TMEM135: variants seen among roughly 807,000 people sequenced by gnomAD.
TMEM135 encodes the protein peroxisomal membrane protein 52.
TMEM135 carries 30 observed loss-of-function variants against 60.3 expected under a neutral mutation model. That is an observed-to-expected ratio of 0.50 (90% CI 0.37 to 0.68). The LOEUF (loss-of-function observed/expected upper bound fraction) is 0.68, where lower values mean the gene tolerates loss of function less well. Ranked by LOEUF, TMEM135 falls within the 30% of genes least tolerant of loss-of-function variation. TMEM135 has a pLI of 0.00. For missense variants in TMEM135, 468 were observed against 548.8 expected (o/e 0.85, Z 1.47); for synonymous variants, 190 against 186.7 (o/e 1.02, Z -0.14).
chr11:87,177,244 T>G (rs1251365974), intron 5 of TMEM135, among the ~76,000 whole-genome samples: 28 of 152,172 alleles, frequency 1.8e-4, no homozygotes, highest in Non-Finnish European at 7.3e-5. Flanking sequence ...TCCTACATCC[T>G]ACTTGTGAGA....
At chr11:87,262,064 T>C (rs1217360847) in intron 6 of TMEM135, among the ~76,000 whole-genome samples, 2 of 152,344 alleles carry the variant, frequency 1.3e-5, no homozygotes, top group South Asian at 2.1e-4. Context: ...CATATCCTCA[T>C]TGTTTTTAGG....
intron 6 of TMEM135, chr11:87,259,125 A>T: frequency 1.3e-6 from 1 of 769,596 alleles, no homozygotes; most frequent in Non-Finnish European, 2.3e-6. Context: ...CATCTCCATC[A>T]GGCCCCATAG....
intron 6 of TMEM135, chr11:87,258,711 T>C (rs574306219): frequency 5.2e-6 from 2 of 386,712 alleles, no homozygotes; most frequent in African/African-American, 4.2e-5. Flanking sequence ...CATGAGACAA[T>C]GTGGGGAGAT....
chr11:87,282,549 A>G (rs2060838702), intron 6 of TMEM135, among the ~76,000 whole-genome samples: 1 of 152,206 alleles, frequency 6.6e-6, no homozygotes, highest in African/African-American at 2.4e-5. Flanking sequence ...TACAGGCGTG[A>G]GCCACCGCAT....
At chr11:87,150,107 C>T (rs1443159156) in intron 4 of TMEM135, among the ~76,000 whole-genome samples, 1 of 150,280 alleles carries the variant, frequency 6.7e-6, no homozygotes, top group East Asian at 2.0e-4. Context: ...ATTTGAGCTA[C>T]TTGGGAGGGT....
chr11:87,235,451 T>G (rs1197580866), intron 5 of TMEM135, among the ~76,000 whole-genome samples: 1 of 152,046 alleles, frequency 6.6e-6, no homozygotes, highest in Non-Finnish European at 1.5e-5. Context: ...TCAGGCTGTA[T>G]GTATAATGCT....
At chr11:87,173,391 A>G (rs1939289561) in intron 5 of TMEM135, among the ~76,000 whole-genome samples, 1 of 152,164 alleles carries the variant, frequency 6.6e-6, no homozygotes, top group Non-Finnish European at 1.5e-5. Context: ...TATGAGGTAG[A>G]TTAGTAGATA....
In TMEM135 at chr11:87,325,793, G is replaced by A. The variant is rs1312724526; in HGVS notation, c.*4460G>A. Reference sequence around the variant, plus strand: ...AAGGAGATGTTTCTCTGTATGTGAAGCCTTTAAATCCAGAACAATTAATTT... The same window carrying A: ...AAGGAGATGTTTCTCTGTATGTGAAACCTTTAAATCCAGAACAATTAATTT... On this transcript the variant is annotated 3_prime_UTR_variant, in exon 15 of 15. Coordinates refer to ENST00000305494, the MANE Select transcript of TMEM135 (RefSeq NM_022918.4). 4.4e-6 allele frequency: 2 copies of A among 453,880 alleles called. No homozygotes were observed. The highest frequency in any genetic ancestry group is 8.8e-6 in the Non-Finnish European group (2 of 226,752). 28.1% of individuals were successfully genotyped at this position (453,880 alleles called of 1,614,324 possible). A position where few individuals can be genotyped will look rare whatever the true frequency, so the allele number is the denominator to read the frequency against.
chr11:87,053,965 T>C (rs1949867539), intron 1 of TMEM135, among the ~76,000 whole-genome samples: 1 of 152,238 alleles, frequency 6.6e-6, no homozygotes, highest in Admixed American at 6.5e-5. Flanking sequence ...ACTAGGAATA[T>C]AGTTAATAAG....
rs1351537014 is a variant in TMEM135, at chr11:87,328,614, G to A, written c.*7281G>A. ...ACAGAATTTGATTTTCTATTCCGGA[G>A]TTACTTTACTTAGAATAATGGCCTC... On this transcript the variant is annotated 3_prime_UTR_variant, in exon 15 of 15. Transcript: ENST00000305494. 2.2e-6 allele frequency: 1 copy of A among 453,848 alleles called. No homozygotes were observed. The highest frequency in any genetic ancestry group is 2.0e-5 in the African/African-American group (1 of 49,968). 28.1% of individuals were successfully genotyped at this position (453,848 alleles called of 1,614,324 possible).
chr11:87,224,676 CATA>C (rs1019216396), intron 5 of TMEM135, among the ~76,000 whole-genome samples: 3 of 151,802 alleles, frequency 2.0e-5, no homozygotes, highest in South Asian at 2.1e-4. Context: ...CTACTGAAAA[CATA>C]ATATTTTTTC....
chr11:87,224,473 A>G (rs1940722553), intron 5 of TMEM135, among the ~76,000 whole-genome samples: 1 of 152,190 alleles, frequency 6.6e-6, no homozygotes, highest in Non-Finnish European at 1.5e-5. Context: ...ACCTTTCTAA[A>G]GTAATCTAGA....
intron 5 of TMEM135, among the ~76,000 whole-genome samples, chr11:87,162,799 G>A (rs1437584216): frequency 6.6e-6 from 1 of 152,158 alleles, no homozygotes; most frequent in Non-Finnish European, 1.5e-5. Flanking sequence ...TCGCCACACT[G>A]TCTTCCACAA....
At chr11:87,298,326 T>C (rs1220937361) in intron 7 of TMEM135, among the ~76,000 whole-genome samples, 2 of 152,178 alleles carry the variant, frequency 1.3e-5, no homozygotes, top group Non-Finnish European at 2.9e-5. Flanking sequence ...AATCATAAAA[T>C]GGCTTAAGGA....
intron 4 of TMEM135, among the ~76,000 whole-genome samples, chr11:87,103,486 T>TG (rs1195411242): frequency 1.2e-5 from 1 of 84,906 alleles, no homozygotes; most frequent in African/African-American, 5.2e-5. Context: ...TTTTTGTTTT[T>TG]TTTTTTTGTT....
At chr11:87,212,560 G>A (rs1363053121) in intron 5 of TMEM135, among the ~76,000 whole-genome samples, 1 of 152,142 alleles carries the variant, frequency 6.6e-6, no homozygotes, top group East Asian at 1.9e-4. Context: ...AGTGGCTCAT[G>A]CCTATAATTC....
rs192394714 is a variant in TMEM135, at chr11:87,060,515, C to A, written c.142-7179C>A. 1.5e-3 allele frequency among the ~76,000 whole-genome samples: 224 copies of A among 152,284 alleles called. 1 individual carries two copies. Among genetic ancestry groups the A allele is most frequent in the African/African-American group, 4.3e-3 (177 of 41,552 alleles). On this transcript the variant is annotated intron_variant, in intron 1 of 14. Transcript: ENST00000305494. ...GCAGTATGGATAAGTGATAATTCTC[C>A]TTATTTAGAATGTGTTTTGACTTCA... is the stretch of plus-strand genomic sequence containing the variant.
chr11:87,309,435 T>G, intron 9 of TMEM135, 70 bp from the exon 10 acceptor site: 1 of 1,528,142 alleles, frequency 6.5e-7, no homozygotes, highest in Non-Finnish European at 9.0e-7. Flanking sequence ...TTTGAGATGG[T>G]AAAATTCGTA....
At chr11:87,067,032 G>A (rs916947115) in intron 1 of TMEM135, among the ~76,000 whole-genome samples, 5 of 150,322 alleles carry the variant, frequency 3.3e-5, no homozygotes, top group African/African-American at 1.2e-4. Flanking sequence ...TGCCCACCTC[G>A]GCCTCCCAAA....
Sources: allele counts gnomAD v4.1 joint callset (sites outside exome capture counted in the v4.1 genomes callset), GRCh38; gene constraint gnomAD v4.1.1; transcripts MANE v1.5; gene names NCBI Gene and HGNC (gene_info 2026-07-23, HGNC 2026-07-21).